The following MARCHF4 variants were observed in gnomAD, a reference collection of about 807,000 sequenced individuals.
MARCHF4 encodes the protein E3 ubiquitin-protein ligase MARCHF4.
In MARCHF4, 14 loss-of-function variants were observed where a neutral mutation model predicts 43.9. The observed-to-expected ratio is 0.32, with a 90% CI of 0.21 to 0.50. MARCHF4 has a LOEUF of 0.50. Among genes scored for constraint, MARCHF4 ranks in the 20% least tolerant of loss-of-function variants. The pLI is 0.98. For missense variants in MARCHF4, 468 were observed against 536.7 expected, an observed-to-expected ratio of 0.87 and a Z score of 1.27; for synonymous variants, 226 against 213.3, an observed-to-expected ratio of 1.06 and a Z score of -0.52.
At chr2:216,262,377 G>A (rs1271688171) in intron 3 of MARCHF4, among the ~76,000 whole-genome samples, 1 of 152,160 alleles carries the variant, frequency 6.6e-6, no homozygotes, top group Non-Finnish European at 1.5e-5. Context: ...CAGGGTAAAC[G>A]GTTTCCCTGG....
intron 1 of MARCHF4, among the ~76,000 whole-genome samples, chr2:216,347,994 A>C (rs1692346370): frequency 6.7e-6 from 1 of 148,372 alleles, no homozygotes; most frequent in African/African-American, 2.5e-5. Flanking sequence ...AATGAGGCTG[A>C]GACTCACTGG....
chr2:216,354,935 CTTTCT>C (rs1692468469), intron 1 of MARCHF4, among the ~76,000 whole-genome samples: 1 of 135,438 alleles, frequency 7.4e-6, no homozygotes, highest in African/African-American at 2.9e-5. Flanking sequence ...TTCTTTCTTT[CTTTCT>C]TTCTTTCTTT....
At chr2:216,277,624 C>T (rs373647248) in intron 3 of MARCHF4, 48 bp downstream of exon 3, 17 of 1,532,334 alleles carry the variant, frequency 1.1e-5, no homozygotes, top group Admixed American at 5.4e-5. Context: ...GTCCATCCCA[C>T]GAGCACATGG....
At chr2:216,308,977 T>C (rs140902756) in intron 1 of MARCHF4, among the ~76,000 whole-genome samples, 4 of 152,322 alleles carry the variant, frequency 2.6e-5, no homozygotes, top group Non-Finnish European at 5.9e-5. Context: ...AGCAAAGTAC[T>C]TGGAGAGGGA....
intron 1 of MARCHF4, among the ~76,000 whole-genome samples, chr2:216,313,444 CA>C (rs1467761070): frequency 6.6e-6 from 1 of 152,134 alleles, no homozygotes; most frequent in Non-Finnish European, 1.5e-5. Context: ...GCTACTTTCA[CA>C]AATTAGAAAA....
chr2:216,360,122 C>G (rs1692554716), intron 1 of MARCHF4, among the ~76,000 whole-genome samples: 1 of 152,126 alleles, frequency 6.6e-6, no homozygotes, highest in Admixed American at 6.5e-5. Flanking sequence ...GGATCACAGC[C>G]TGGGACTCCA....
chr2:216,276,661 A>C (rs1691027049), intron 3 of MARCHF4, among the ~76,000 whole-genome samples: 1 of 152,228 alleles, frequency 6.6e-6, no homozygotes, highest in African/African-American at 2.4e-5. Context: ...CAAACAGAGA[A>C]GTGTAGCTTA....
chr2:216,260,861 C>T (rs974297250), intron 3 of MARCHF4, among the ~76,000 whole-genome samples: 3 of 152,050 alleles, frequency 2.0e-5, no homozygotes, highest in Admixed American at 6.5e-5. Flanking sequence ...TGATGTCATG[C>T]GGGTTGGAAA....
intron 1 of MARCHF4, among the ~76,000 whole-genome samples, chr2:216,340,554 C>T (rs1352415002): frequency 6.6e-6 from 1 of 152,182 alleles, no homozygotes; most frequent in Non-Finnish European, 1.5e-5. Flanking sequence ...TTCCTTTGGC[C>T]TTTGTCAGTA....
At chr2:216,264,298 A>C (rs542046325) in intron 3 of MARCHF4, among the ~76,000 whole-genome samples, 134 of 152,248 alleles carry the variant, frequency 8.8e-4, no homozygotes, top group African/African-American at 3.2e-3. Flanking sequence ...GAAAACAGAC[A>C]CTCAAACTGT....
chr2:216,321,857 A>T (rs1408712076), intron 1 of MARCHF4: 1 of 152,270 alleles, frequency 6.6e-6, no homozygotes, highest in Non-Finnish European at 1.5e-5. Context: ...CCATTCCTCC[A>T]GGAAGAATCA....
At chr2:216,290,145 A>G (rs564180649) in intron 1 of MARCHF4, among the ~76,000 whole-genome samples, 32 of 152,346 alleles carry the variant, frequency 2.1e-4, no homozygotes, top group African/African-American at 7.0e-4. Context: ...GTTATGTGCT[A>G]TGGAGAAAAA....
At chr2:216,330,799 T>C (rs927688718) in intron 1 of MARCHF4, among the ~76,000 whole-genome samples, 2 of 152,132 alleles carry the variant, frequency 1.3e-5, no homozygotes, top group Non-Finnish European at 2.9e-5. Context: ...TCATCCTTAA[T>C]AATAAAATAT....
chr2:216,340,104 C>T (rs1692214202), intron 1 of MARCHF4, among the ~76,000 whole-genome samples: 1 of 152,116 alleles, frequency 6.6e-6, no homozygotes, highest in Non-Finnish European at 1.5e-5. Flanking sequence ...AAGCCCTCGC[C>T]CCAAACAAAA....
intron 3 of MARCHF4, among the ~76,000 whole-genome samples, chr2:216,275,362 T>C (rs1005204617): frequency 2.6e-5 from 4 of 152,100 alleles, no homozygotes; most frequent in African/African-American, 9.7e-5. Context: ...CTCAGAGCCA[T>C]GGGGAACAGA....
intron 1 of MARCHF4, among the ~76,000 whole-genome samples, chr2:216,316,435 G>A (rs1691777569): frequency 6.6e-6 from 1 of 152,234 alleles, no homozygotes; most frequent in East Asian, 1.9e-4. Flanking sequence ...TGCAAAAACA[G>A]GGCAGCTCTC....
At chr2:216,356,038 G>A (rs1692496725) in intron 1 of MARCHF4, among the ~76,000 whole-genome samples, 1 of 152,214 alleles carries the variant, frequency 6.6e-6, no homozygotes, top group African/African-American at 2.4e-5. Context: ...GGACTAGAAA[G>A]CTCTTATTGC....
At chr2:216,298,799 C>T (rs1404528945) in intron 1 of MARCHF4, among the ~76,000 whole-genome samples, 2 of 152,128 alleles carry the variant, frequency 1.3e-5, no homozygotes, top group Non-Finnish European at 2.9e-5. Flanking sequence ...TTTCCATTCA[C>T]ACTATGTCAC....
intron 2 of MARCHF4, among the ~76,000 whole-genome samples, chr2:216,281,420 T>A (rs909890464): frequency 3.3e-5 from 5 of 152,210 alleles, no homozygotes; most frequent in African/African-American, 1.2e-4. Context: ...CCAGGAGACC[T>A]GGAAGGAGCT....
Sources: gnomAD v4.1 joint callset for allele counts (sites outside exome capture counted in the v4.1 genomes callset) on GRCh38, gnomAD v4.1.1 for gene constraint, MANE v1.5 for transcripts, NCBI Gene and HGNC (gene_info 2026-07-23, HGNC 2026-07-21) for gene names.